The following KNL1 variants were observed in gnomAD, a reference collection of about 807,000 sequenced individuals.
KNL1 encodes kinetochore scaffold 1.
A neutral mutation model predicts 201.3 loss-of-function variants in KNL1; 66 were observed. The observed-to-expected ratio is 0.33, with a 90% confidence interval of 0.27 to 0.40. The LOEUF (loss-of-function observed/expected upper bound fraction) is 0.40. Among genes scored for constraint, KNL1 ranks in the 10% least tolerant of loss-of-function variants. KNL1 has a pLI of 1.00. For missense variants in KNL1, 2,815 were observed against 2,690.5 expected (o/e 1.05, Z -1.02); for synonymous variants, 895 against 899.2 (o/e 1.00, Z 0.08).
chr15:40,622,977 A>G lies in KNL1; in HGVS notation c.2713A>G (p.Ile905Val), dbSNP rs1165473120. Residue 905 changes from isoleucine (I) to valine (V), a missense_variant, in exon 10 of 26, where the codon ATT becomes GTT. Physicochemically the swap from Ile to Val is conservative, Grantham distance 29 (BLOSUM62 3). This residue lies in a region of KNL1 where 2,464 missense variants were observed against 2,291.7 expected (regional missense o/e 1.08). Transcript: ENST00000399668. ...GCCATTGGCAGGAACTTCTGAAACT[A>G]TTTTATATACATGTAGGCAGGATGA... ...LVPLAGTSETILYTCRQDDME... is the reference protein window; with the variant it reads ...LVPLAGTSETVLYTCRQDDME... 5 of 1,613,802 alleles carry G rather than the reference A, an allele frequency of 3.1e-6. No homozygotes were observed. The highest frequency in any genetic ancestry group is 1.1e-5 in the South Asian group (1 of 91,070).
chr15:40,615,733 C>G (rs1393631700), intron 8 of KNL1: 1 of 153,472 alleles, frequency 6.5e-6, no homozygotes, highest in Non-Finnish European at 1.4e-5. Flanking sequence ...CCACTGCACT[C>G]CAGCAATGGC....
chr15:40,643,004 T>G (rs895374653), intron 14 of KNL1: 22 of 152,188 alleles, frequency 1.4e-4, no homozygotes, highest in African/African-American at 5.1e-4. Context: ...TGTTTGATTT[T>G]GCATCTGTAT....
intron 1 of KNL1, among the ~76,000 whole-genome samples, chr15:40,597,182 A>G (rs547970605): frequency 1.1e-4 from 16 of 152,292 alleles, no homozygotes; most frequent in African/African-American, 2.6e-4. Flanking sequence ...TAAATATCCC[A>G]GGACACCATT....
At position 40,624,954 on chromosome 15, in the gene KNL1, T is replaced by C; in HGVS notation, c.4690T>C (p.Leu1564=). The C allele has an allele frequency of 1.9e-6, 3 of 1,613,884 alleles. No homozygotes were observed. Among genetic ancestry groups the C allele is most frequent in the Middle Eastern group, 1.7e-4 (1 of 6,060 alleles). ...FHSIKPNLNN[L]NGKTGEFLAF... ...TAGTATCAAACCAAATCTGAATAAT[T>C]TGAATGGAAAAACTGGAGAGTTTTT... is the stretch of plus-strand genomic sequence containing the variant. The change falls in exon 10 of 26, where the codon TTG becomes CTG. Residue 1564 remains leucine (L), a synonymous_variant. Transcript: ENST00000399668.
At chr15:40,616,432 A>G (rs1024024182) in intron 8 of KNL1, among the ~76,000 whole-genome samples, 1 of 151,992 alleles carries the variant, frequency 6.6e-6, no homozygotes, top group Non-Finnish European at 1.5e-5. Context: ...CAGCCAACTC[A>G]CTGTTACTTC....
At chr15:40,657,671 G>T (rs1190941847) in intron 24 of KNL1, among the ~76,000 whole-genome samples, 198 bp downstream of exon 24, 1 of 152,148 alleles carries the variant, frequency 6.6e-6, no homozygotes, top group Non-Finnish European at 1.5e-5. Flanking sequence ...GCTTGTAAAT[G>T]CATAACCTTG....
In KNL1 at chr15:40,621,497, G is replaced by C. The variant is rs116093409; in HGVS notation, c.1233G>C (p.Met411Ile). ...TCNQDARILA[M>I]TPESIYSNPS... ...ATCAGGATGCCAGAATATTAGCCAT[G>C]ACCCCAGAATCTATATATTCTAATC... Residue 411 changes from methionine (M) to isoleucine (I), a missense_variant, in exon 10 of 26, where the codon ATG becomes ATC. Physicochemically the swap from Met to Ile is conservative, Grantham distance 10. Coordinates refer to ENST00000399668, the MANE Select transcript of KNL1 (RefSeq NM_144508.5). 3.9e-4 allele frequency: 635 copies of C among 1,613,902 alleles called. 3 individuals are homozygous for C. In the African/African-American group the frequency reaches 8.0e-3, roughly 20 times the overall value.
chr15:40,651,324 A>T lies in KNL1; in HGVS notation c.6213-147A>T, dbSNP rs1307856654. ...AAAAAAAAAAAAAACTAAACTAAGA[A>T]TGCAGAAATGGATGCCATACACCTA... On this transcript the variant is annotated intron_variant, in intron 19 of 25. Coordinates refer to ENST00000399668, the MANE Select transcript of KNL1 (RefSeq NM_144508.5). The T allele has an allele frequency of 2.7e-5, 10 of 367,188 alleles. No individual in the cohort carries two copies. In the South Asian group the frequency reaches 7.9e-4, roughly 29 times the overall value. The allele number at this position is 367,188 out of a possible 1,614,324, so 22.7% of individuals were successfully genotyped here. A position where few individuals can be genotyped will look rare whatever the true frequency, so the allele number is the denominator to read the frequency against.
chr15:40,654,783 C>A (rs564440275), intron 21 of KNL1, 126 bp from the exon 22 acceptor site: 8 of 638,226 alleles, frequency 1.3e-5, no homozygotes, highest in Non-Finnish European at 1.9e-5. Context: ...GCAGGAGAAT[C>A]GCTTGAACCT....
intron 1 of KNL1, among the ~76,000 whole-genome samples, chr15:40,601,000 G>A (rs1306353735): frequency 6.6e-6 from 1 of 152,162 alleles, no homozygotes; most frequent in Non-Finnish European, 1.5e-5. Flanking sequence ...TACATATGAT[G>A]CAAATTCACT....
chr15:40,622,568 C>T lies in KNL1; in HGVS notation c.2304C>T (p.His768=). ...AAAATATGGATCTAACAAAGAGCCACACTGTCGTCATTGGATTTGGTCCTT... is the reference window on the plus strand; with the variant it reads ...AAAATATGGATCTAACAAAGAGCCATACTGTCGTCATTGGATTTGGTCCTT... ...EEQNMDLTKS[H]TVVIGFGPSE... The change falls in exon 10 of 26, where the codon CAC becomes CAT. Residue 768 remains histidine (H), a synonymous_variant. Transcript: ENST00000399668. 1 of 1,613,146 alleles carries T rather than the reference C, an allele frequency of 6.2e-7. No homozygotes were observed. The highest frequency in any genetic ancestry group is 1.7e-5 in the Admixed American group (1 of 59,816).
Position 40,645,193 on chromosome 15 carries a change from T to A in KNL1, c.5889+106T>A. 4.2e-6 allele frequency: 3 copies of A among 718,490 alleles called. No homozygotes were observed. In the South Asian group the frequency reaches 5.3e-5, roughly 13 times the overall value. The allele number at this position is 718,490 out of a possible 1,614,324, so 44.5% of individuals were successfully genotyped here. On this transcript the variant is annotated intron_variant, in intron 15 of 25. Coordinates refer to ENST00000399668, the MANE Select transcript of KNL1 (RefSeq NM_144508.5). Reference sequence around the variant, plus strand: ...TGGTCATAGTGATGAGTTATTTAACTTATTTTTTAAGTGTAATGTGGTACC... The same window carrying A: ...TGGTCATAGTGATGAGTTATTTAACATATTTTTTAAGTGTAATGTGGTACC...
chr15:40,624,913 A>AT lies in KNL1; in HGVS notation c.4650dup (p.Val1551CysfsTer6). 1 of 1,613,228 alleles carries AT rather than the reference A, an allele frequency of 6.2e-7. No homozygotes were observed. Among genetic ancestry groups the AT allele is most frequent in the Non-Finnish European group, 8.5e-7 (1 of 1,179,866 alleles). ...GCACCAGATCCTGTAATTACATCTA[A>AT]TGTTCCATGTTTTCATAGTATCAAA... On this transcript the variant is annotated frameshift_variant, in exon 10 of 26. Transcript: ENST00000399668. LOFTEE classifies it high-confidence loss of function.
intron 14 of KNL1, among the ~76,000 whole-genome samples, chr15:40,642,162 G>A (rs899106932): frequency 2.0e-5 from 3 of 152,210 alleles, no homozygotes; most frequent in Non-Finnish European, 4.4e-5. Flanking sequence ...CACTTTGGGA[G>A]GCTGAGGCAG....
At chr15:40,606,762 T>A (rs1011685972) in intron 4 of KNL1, among the ~76,000 whole-genome samples, 14 of 152,104 alleles carry the variant, frequency 9.2e-5, no homozygotes, top group African/African-American at 3.4e-4. Context: ...CATACTTAGC[T>A]ATTTATTTAT....
intron 19 of KNL1, among the ~76,000 whole-genome samples, chr15:40,651,133 A>T (rs1472675298): frequency 6.6e-6 from 1 of 151,902 alleles, no homozygotes; most frequent in Non-Finnish European, 1.5e-5. Flanking sequence ...GATCTACATT[A>T]TGCTTATATT....
At chr15:40,645,342 CTTAGAT>C (rs1435607464) in intron 15 of KNL1, among the ~76,000 whole-genome samples, 1 of 152,112 alleles carries the variant, frequency 6.6e-6, no homozygotes, top group Admixed American at 6.5e-5. Context: ...TTGCCTTTCA[CTTAGAT>C]TTAGACGAAG....
At chr15:40,608,817 A>G in intron 4 of KNL1, 30 bp from the exon 5 acceptor site, 2 of 1,503,798 alleles carry the variant, frequency 1.3e-6, no homozygotes, top group Non-Finnish European at 1.8e-6. Flanking sequence ...GATTTTATTA[A>G]GAATTATACC....
At chr15:40,659,166 T>TACTTGGGAGAATCGATAGA (rs1893828977) in intron 24 of KNL1, among the ~76,000 whole-genome samples, 173 bp from the exon 25 acceptor site, 1 of 147,584 alleles carries the variant, frequency 6.8e-6, no homozygotes, top group Non-Finnish European at 1.5e-5. Flanking sequence ...TAATCCCAGC[T>TACTTGGGAGAATCGATAGA]ACTTGGGAGA....
Sources: gnomAD v4.1 joint callset for allele counts (sites outside exome capture counted in the v4.1 genomes callset) on GRCh38, gnomAD v4.1.1 for gene constraint, gnomAD v4.1.1 regional missense constraint, MANE v1.5 for transcripts, NCBI Gene and HGNC (gene_info 2026-07-23, HGNC 2026-07-21) for gene names.